Variants in TENM1 observed in about 807,000 individuals in gnomAD.
TENM1 encodes the protein teneurin transmembrane protein 1, also known as teneurin-1.
TENM1 carries 35 observed loss-of-function variants against 174.8 expected under a neutral mutation model. The observed-to-expected ratio is 0.20, with a 90% CI of 0.15 to 0.27. The LOEUF (loss-of-function observed/expected upper bound fraction) is 0.27, where lower values mean the gene tolerates loss of function less well. TENM1 is among the 10% of genes least tolerant of loss of function. The pLI is 1.00. For missense variants in TENM1, 1,633 were observed against 2,130.1 expected (o/e 0.77, Z 4.59); for synonymous variants, 781 against 798.7 (o/e 0.98, Z 0.37).
chrX:124,705,532 G>A (rs2052880416), intron 4 of TENM1, among the ~76,000 whole-genome samples: 1 of 110,236 alleles, frequency 9.1e-6, no homozygotes. Context: ...CACATTTGGT[G>A]TTACACACTA....
intron 18 of TENM1, among the ~76,000 whole-genome samples, chrX:124,509,887 AT>A (rs752671089): frequency 5.7e-5 from 6 of 106,117 alleles, no homozygotes; most frequent in East Asian, 3.0e-4. Flanking sequence ...CGCCTGGCTA[AT>A]TTTTTTTTTA....
rs2056295452 is a variant in TENM1 at position 124,831,838 on chromosome X, T to C, written c.535+62458A>G. On this transcript the variant is annotated intron_variant, in intron 3 of 31. Coordinates refer to ENST00000422452, the Ensembl canonical transcript of TENM1. Reference sequence around the variant, plus strand: ...TAGGTCATGGTATGGCAGCAGTCAATGACTTTCTACCCTCTCCAAATATAT... The same window carrying C: ...TAGGTCATGGTATGGCAGCAGTCAACGACTTTCTACCCTCTCCAAATATAT... Among the ~76,000 whole-genome samples, 3 of 111,461 alleles carry C rather than the reference T, an allele frequency of 2.7e-5. No homozygotes were observed. In the South Asian group the frequency reaches 1.1e-3, roughly 43 times the overall value.
intron 1 of TENM1, among the ~76,000 whole-genome samples, chrX:124,906,177 T>C (rs2057745025): frequency 8.9e-6 from 1 of 112,146 alleles, no homozygotes; most frequent in South Asian, 3.7e-4. Context: ...CAAAAGCATC[T>C]AACACAGAGG....
the TENM1 span, among the ~76,000 whole-genome samples, chrX:125,175,441 G>A: frequency 1.8e-5 from 2 of 111,378 alleles, no homozygotes; most frequent in Admixed American, 9.6e-5. Flanking sequence ...TTAAATAAGT[G>A]ATATTATGAC....
At chrX:124,607,345 G>C (rs906672323) in intron 11 of TENM1, among the ~76,000 whole-genome samples, 14 of 110,658 alleles carry the variant, frequency 1.3e-4, no homozygotes, top group African/African-American at 4.3e-4. Context: ...AAGGTGGGTA[G>C]TTGCTATTTT....
At chrX:124,561,253 G>A (rs186563933) in intron 14 of TENM1, among the ~76,000 whole-genome samples, 1 of 111,436 alleles carries the variant, frequency 9.0e-6, no homozygotes, top group East Asian at 2.8e-4. Flanking sequence ...ATGGGAGGTA[G>A]CATGGTGTAG....
chrX:124,933,306 A>T (rs2147724591), intron 1 of TENM1, among the ~76,000 whole-genome samples: 1 of 112,396 alleles, frequency 8.9e-6, no homozygotes, highest in South Asian at 3.7e-4. Context: ...AGAAAGGCAC[A>T]CAAAATACAA....
the TENM1 span, among the ~76,000 whole-genome samples, chrX:125,192,796 T>C: frequency 2.7e-5 from 3 of 111,377 alleles, no homozygotes; most frequent in South Asian, 1.1e-3. Context: ...ATACAAATTG[T>C]GGTAAGAACA....
the TENM1 span, among the ~76,000 whole-genome samples, chrX:125,128,064 A>G: frequency 9.0e-6 from 1 of 111,660 alleles, no homozygotes; most frequent in Non-Finnish European, 1.9e-5. Context: ...TATAAGAAAC[A>G]GCATCCAACC....
At chrX:124,743,566 T>C (rs2053849911) in intron 3 of TENM1, among the ~76,000 whole-genome samples, 1 of 112,010 alleles carries the variant, frequency 8.9e-6, no homozygotes, top group African/African-American at 3.2e-5. Flanking sequence ...CAATGTTTTC[T>C]AGTTTCCATG....
the TENM1 span, among the ~76,000 whole-genome samples, chrX:125,173,382 C>A: frequency 9.0e-6 from 1 of 111,685 alleles, no homozygotes; most frequent in South Asian, 3.8e-4. Flanking sequence ...CGTCAGGAGA[C>A]TTTTGTTCTC....
chrX:124,588,613 A>G (rs760327142), intron 11 of TENM1, among the ~76,000 whole-genome samples: 2 of 110,698 alleles, frequency 1.8e-5, no homozygotes, highest in African/African-American at 6.6e-5. Context: ...TAATGGGTGC[A>G]GCACACCAGC....
chrX:125,099,352 T>C, the TENM1 span, among the ~76,000 whole-genome samples: 7 of 112,459 alleles, frequency 6.2e-5, no homozygotes, highest in African/African-American at 9.7e-5. Context: ...TTTCAGGCTA[T>C]GCACAGATTC....
intron 1 of TENM1, among the ~76,000 whole-genome samples, chrX:124,927,226 A>C (rs1259885966): frequency 3.6e-5 from 4 of 111,620 alleles, no homozygotes; most frequent in Non-Finnish European, 7.5e-5. Flanking sequence ...TGGATAACTA[A>C]AAAATCTGGC....
chrX:124,758,092 C>T (rs1010032188), intron 3 of TENM1, among the ~76,000 whole-genome samples: 1 of 111,275 alleles, frequency 9.0e-6, no homozygotes, highest in East Asian at 2.8e-4. Flanking sequence ...AAAATATTTG[C>T]AAACCATACA....
At chrX:124,769,241 T>C (rs2054599994) in intron 3 of TENM1, among the ~76,000 whole-genome samples, 1 of 111,905 alleles carries the variant, frequency 8.9e-6, no homozygotes, top group African/African-American at 3.2e-5. Context: ...TTTTCTAGAA[T>C]TGTTTCACCA....
At chrX:124,718,041 C>T (rs1316524623) in intron 4 of TENM1, among the ~76,000 whole-genome samples, 2 of 112,474 alleles carry the variant, frequency 1.8e-5, no homozygotes, top group East Asian at 5.6e-4. Flanking sequence ...GTCTACAATG[C>T]CCTCTATACT....
At chrX:124,982,635 T>A in the TENM1 span, among the ~76,000 whole-genome samples, 30 of 112,359 alleles carry the variant, frequency 2.7e-4, no homozygotes, top group African/African-American at 9.7e-4. Context: ...AACCTCATAT[T>A]TAAGTGAGAG....
chrX:124,744,131 CTCAG>C (rs927870406), intron 3 of TENM1, among the ~76,000 whole-genome samples: 2 of 111,557 alleles, frequency 1.8e-5, no homozygotes, highest in African/African-American at 6.5e-5. Flanking sequence ...GGTTTTTTAA[CTCAG>C]TCAAACAATC....
Sources: allele counts gnomAD v4.1 joint callset (sites outside exome capture counted in the v4.1 genomes callset), GRCh38; gene constraint gnomAD v4.1.1; transcripts MANE v1.5; gene names NCBI Gene and HGNC (gene_info 2026-07-23, HGNC 2026-07-21).